Variants in SVIL observed in about 807,000 individuals in gnomAD.
SVIL encodes the protein supervillin.
Under a neutral mutation model 240.4 loss-of-function variants are expected in SVIL, and 101 were observed. The ratio of observed to expected loss-of-function variants is 0.42; its 90% CI spans 0.36 to 0.50. SVIL has a LOEUF of 0.50. Among genes scored for constraint, SVIL ranks in the 20% least tolerant of loss-of-function variants. The pLI is 0.01. For synonymous variants in SVIL, 999 were observed against 1,100.0 expected (o/e 0.91, Z 1.82); for missense variants, 2,512 against 2,818.7 (o/e 0.89, Z 2.46).
chr10:29,736,831 G>A (rs1242509717), upstream of SVIL: 1 of 152,372 alleles, frequency 6.6e-6, no homozygotes, highest in African/African-American at 2.4e-5. Context: ...TGGGCCCCGG[G>A]AAAGTCGGCC....
In SVIL at chr10:29,529,698, C is replaced by T. The variant is rs866218170; in HGVS notation, c.2246+7G>A. ...AGACAAGGCTGAGAAGTCCTGTGGG[C>T]ACTTACGTGGCTGCGATGACCACCT... On this transcript the variant is annotated splice_region_variant and intron_variant, in intron 12 of 37. Coordinates refer to ENST00000355867, the MANE Select transcript of SVIL (RefSeq NM_021738.3). 1.6e-5 allele frequency: 25 copies of T among 1,595,162 alleles called. No individual in the cohort carries two copies. Among genetic ancestry groups the T allele is most frequent in the Middle Eastern group, 1.7e-4 (1 of 5,892 alleles).
intron 16 of SVIL, among the ~76,000 whole-genome samples, chr10:29,516,169 C>T (rs1006250902): frequency 3.9e-5 from 6 of 152,180 alleles, no homozygotes; most frequent in Non-Finnish European, 8.8e-5. Flanking sequence ...TAAGGTTTTT[C>T]CCACCATGGG....
intron 2 of SVIL, among the ~76,000 whole-genome samples, chr10:29,673,959 T>C (rs1035629959): frequency 1.3e-5 from 2 of 152,226 alleles, no homozygotes; most frequent in African/African-American, 4.8e-5. Flanking sequence ...CATCTTTGAA[T>C]GATAATGCGA....
At position 29,522,643 on chromosome 10, in the gene SVIL, G is replaced by T; in HGVS notation, c.3164-8C>A. The stretch of plus-strand genomic sequence containing the variant: ...GCTCCCCGAACTCTGCCGCTGGGAA[G>T]GAAAAGAGCAACATCAGCACTGAAC... On this transcript the variant is annotated splice_polypyrimidine_tract_variant and splice_region_variant and intron_variant, in intron 15 of 37. Transcript: ENST00000355867. 1 of 1,612,832 alleles carries T rather than the reference G, an allele frequency of 6.2e-7. No homozygotes were observed.
intron 1 of SVIL, among the ~76,000 whole-genome samples, chr10:29,599,537 T>TC (rs1956733201): frequency 6.6e-6 from 1 of 152,116 alleles, no homozygotes; most frequent in Non-Finnish European, 1.5e-5. Flanking sequence ...TGCCTCAGCC[T>TC]CCTGAGTAGC....
intron 2 of SVIL, among the ~76,000 whole-genome samples, chr10:29,659,282 T>C (rs1413919962): frequency 2.0e-5 from 3 of 152,218 alleles, no homozygotes; most frequent in Non-Finnish European, 2.9e-5. Flanking sequence ...GTTTATCAGC[T>C]GGTTAGTGGT....
At chr10:29,727,530 C>T (rs912955334) in intron 1 of SVIL, among the ~76,000 whole-genome samples, 6 of 152,170 alleles carry the variant, frequency 3.9e-5, no homozygotes, top group Admixed American at 6.5e-5. Context: ...TTCCTCAGGC[C>T]GGTCAAACTG....
intron 1 of SVIL, among the ~76,000 whole-genome samples, chr10:29,695,983 G>A (rs935894772): frequency 6.9e-6 from 1 of 144,310 alleles, no homozygotes; most frequent in Non-Finnish European, 1.5e-5. Context: ...TCCTTTCCAC[G>A]GTTTCCCTCT....
At chr10:29,723,527 C>T (rs923386959) in intron 1 of SVIL, among the ~76,000 whole-genome samples, 1 of 151,960 alleles carries the variant, frequency 6.6e-6, no homozygotes, top group African/African-American at 2.4e-5. Context: ...GTTTGTCCCA[C>T]CAGACTATGA....
At chr10:29,574,466 G>C (rs2132739804) in intron 1 of SVIL, among the ~76,000 whole-genome samples, 1 of 152,246 alleles carries the variant, frequency 6.6e-6, no homozygotes, top group South Asian at 2.1e-4. Context: ...TGAACCATTG[G>C]GATGCTGACA....
At chr10:29,469,706 G>T (rs1339140219) in intron 32 of SVIL, among the ~76,000 whole-genome samples, 1 of 152,176 alleles carries the variant, frequency 6.6e-6, no homozygotes, top group Non-Finnish European at 1.5e-5. Flanking sequence ...CTGAGTCTTT[G>T]CAAGTGGCCA....
intron 1 of SVIL, among the ~76,000 whole-genome samples, chr10:29,619,043 G>T (rs754655999): frequency 5.3e-5 from 8 of 152,144 alleles, no homozygotes; most frequent in Admixed American, 2.0e-4. Context: ...ACCCCTGAAC[G>T]GAAAGATAAT....
At position 29,545,853 on chromosome 10, in the gene SVIL, CAAAAAAAAAAAA is replaced by C. The variant is rs755360700; in HGVS notation, c.827+4732_827+4743del. 4.7e-5 allele frequency among the ~76,000 whole-genome samples: 3 copies of C among 63,592 alleles called. 1 individual carries two copies. Among genetic ancestry groups the C allele is most frequent in the Non-Finnish European group, 2.9e-5 (1 of 34,862 alleles). The allele number at this position is 63,592 out of a possible 152,430, so 41.7% of individuals were successfully genotyped here. A position where few individuals can be genotyped will look rare whatever the true frequency, so the allele number is the denominator to read the frequency against. On this transcript the variant is annotated intron_variant, in intron 6 of 37. Transcript: ENST00000355867. ...TTGGAGTCAGAGTGAGACTCTGTCTCAAAAAAAAAAAAAAAAAAAAAAAAAAGAAAAAGAAAA... is the reference window on the plus strand; with the variant it reads ...TTGGAGTCAGAGTGAGACTCTGTCTCAAAAAAAAAAAAAAGAAAAAGAAAA...
At chr10:29,710,916 T>C (rs533749474) in intron 1 of SVIL, among the ~76,000 whole-genome samples, 13 of 152,252 alleles carry the variant, frequency 8.5e-5, no homozygotes, top group African/African-American at 3.1e-4. Flanking sequence ...TAAGGAAAAT[T>C]AACAACTGCA....
At chr10:29,694,222 T>C (rs1159389918) in intron 1 of SVIL, among the ~76,000 whole-genome samples, 1 of 140,798 alleles carries the variant, frequency 7.1e-6, no homozygotes, top group Non-Finnish European at 1.5e-5. Flanking sequence ...AGCAAGACAC[T>C]GTGTCTACCA....
chr10:29,713,207 T>C (rs1364990932), intron 1 of SVIL, among the ~76,000 whole-genome samples: 1 of 146,980 alleles, frequency 6.8e-6, no homozygotes, highest in African/African-American at 2.5e-5. Context: ...AAAACTGCAG[T>C]GGTAATCAAG....
Position 29,458,581 on chromosome 10 carries a change from T to G in SVIL, c.6411A>C (p.Glu2137Asp), listed in dbSNP as rs553657024. The change falls in exon 37 of 38, where the codon GAA (glutamate) becomes GAC (aspartate). Residue 2137 changes from glutamate to aspartate, a missense_variant. Glu to Asp is a conservative substitution (Grantham distance 45, BLOSUM62 2). This residue lies in a region of SVIL where 797 missense variants were observed against 925.3 expected (regional missense o/e 0.86). Coordinates refer to ENST00000355867, the MANE Select transcript of SVIL (RefSeq NM_021738.3). The stretch of plus-strand genomic sequence containing the variant: ...CCACGAGGGTGATCTGATTGGAAAC[T>G]TCCGTGTCCTAGAGAAGAGGAGGGG... ...DIAEITEMDT[E>D]VSNQITLVED... 6.2e-7 allele frequency: 1 copy of G among 1,612,478 alleles called. No homozygotes were observed. The highest frequency in any genetic ancestry group is 1.1e-5 in the South Asian group (1 of 90,810).
chr10:29,533,931 T>C (rs1480964295), intron 7 of SVIL, among the ~76,000 whole-genome samples: 1 of 152,168 alleles, frequency 6.6e-6, no homozygotes, highest in African/African-American at 2.4e-5. Context: ...CGTCTGAAAA[T>C]GTAAGAGCAC....
chr10:29,718,064 A>G (rs937149791), intron 1 of SVIL, among the ~76,000 whole-genome samples: 1 of 152,172 alleles, frequency 6.6e-6, no homozygotes, highest in African/African-American at 2.4e-5. Context: ...GCAGTGGCTC[A>G]CACCTGTAAT....
Sources: gnomAD v4.1 joint callset for allele counts (sites outside exome capture counted in the v4.1 genomes callset) on GRCh38, gnomAD v4.1.1 for gene constraint, gnomAD v4.1.1 regional missense constraint, MANE v1.5 for transcripts, NCBI Gene and HGNC (gene_info 2026-07-23, HGNC 2026-07-21) for gene names.